Variants in EMP3 observed in about 807,000 individuals in gnomAD.
The protein encoded by EMP3 is epithelial membrane protein 3 (MAM blood group).
EMP3 carries 15 observed loss-of-function variants against 21.6 expected under a neutral mutation model. The ratio of observed to expected loss-of-function variants is 0.69; its 90% confidence interval spans 0.46 to 1.07. The LOEUF (loss-of-function observed/expected upper bound fraction) is 1.07, where lower values mean the gene tolerates loss of function less well. Among genes scored for constraint, EMP3 ranks in the 50% least tolerant of loss-of-function variants. The pLI is 0.00. For synonymous variants in EMP3, 107 were observed against 86.1 expected (o/e 1.24, Z -1.34); for missense variants, 183 against 206.6 (o/e 0.89, Z 0.70).
chr19:48,329,618 G>A lies in EMP3; in HGVS notation c.322+126G>A. ...AAAAAAACAACTTTCAACACCCCAC[G>A]AGCCACAAGAGGTGCCTCCGTGGGC... On this transcript the variant is annotated intron_variant, in intron 4 of 4. Coordinates refer to ENST00000270221, the MANE Select transcript of EMP3 (RefSeq NM_001425.3). The surrounding 1 kb of genome is among the most constrained non-coding windows in gnomAD (Gnocchi z 4.5). 5.6e-6 allele frequency: 7 copies of A among 1,252,502 alleles called. No individual in the cohort carries two copies. Among genetic ancestry groups the A allele is most frequent in the Non-Finnish European group, 6.6e-6 (6 of 909,320 alleles). 77.6% of individuals were successfully genotyped at this position (1,252,502 alleles called of 1,614,324 possible).
In EMP3 at chr19:48,329,635, TC is replaced by T; in HGVS notation, c.322+145del. The T allele has an allele frequency of 9.3e-7, 1 of 1,070,464 alleles. No individual in the cohort carries two copies. 66.3% of individuals were successfully genotyped at this position (1,070,464 alleles called of 1,614,324 possible). ...CACCCCACGAGCCACAAGAGGTGCCTCCGTGGGCTACATCTCTGCCCCCAGG... is the reference window on the plus strand; with the variant it reads ...CACCCCACGAGCCACAAGAGGTGCCTCGTGGGCTACATCTCTGCCCCCAGG... On this transcript the variant is annotated intron_variant, in intron 4 of 4. Coordinates refer to ENST00000270221, the MANE Select transcript of EMP3 (RefSeq NM_001425.3). The surrounding 1 kb of genome is among the most constrained non-coding windows in gnomAD (Gnocchi z 4.5).
intron 4 of EMP3, 109 bp from the exon 5 acceptor site, chr19:48,330,192 G>C (rs1872102557): frequency 1.4e-6 from 2 of 1,432,422 alleles, no homozygotes; most frequent in South Asian, 3.0e-5. Flanking sequence ...ACTCCCAGCA[G>C]GCAGCGGCGC....
At position 48,328,238 on chromosome 19, in the gene EMP3, C is replaced by T. The variant is rs189145598; in HGVS notation, c.181+615C>T. On this transcript the variant is annotated intron_variant, in intron 3 of 4. Transcript: ENST00000270221. ...CAGCCTGGCCAAGATGATGAAACCC[C>T]GTCTCTACTAAAAATACAAAAAAAT... Among the ~76,000 whole-genome samples, 111 of 151,726 alleles carry T rather than the reference C, an allele frequency of 7.3e-4. 1 individual carries two copies. The East Asian group carries it at 0.019, about 26-fold the overall frequency.
rs768187559 is a variant in EMP3, at chr19:48,329,311, G to A, written c.182-41G>A. ...GCAAGCAGGTGAAGCTGGAACTCTG[G>A]ACCCACGGTGATGTCCCCCTCTGTG... is the stretch of plus-strand genomic sequence containing the variant. On this transcript the variant is annotated intron_variant, in intron 3 of 4. Transcript: ENST00000270221. This position sits in a 1 kb window ranked among gnomAD's most constrained non-coding sequence, Gnocchi z 4.5. 3.1e-6 allele frequency: 5 copies of A among 1,612,254 alleles called. No individual in the cohort carries two copies. The South Asian group carries it at 3.3e-5, about 11-fold the overall frequency.
At chr19:48,328,573 G>A (rs1969162292) in intron 3 of EMP3, among the ~76,000 whole-genome samples, 1 of 152,226 alleles carries the variant, frequency 6.6e-6, no homozygotes, top group East Asian at 1.9e-4. Flanking sequence ...ACCACTTAAG[G>A]TTCTAAAGGG....
chr19:48,327,998 G>A (rs1025998761), intron 3 of EMP3, among the ~76,000 whole-genome samples: 2 of 151,970 alleles, frequency 1.3e-5, no homozygotes, highest in East Asian at 3.9e-4. Context: ...GTAGAGACAG[G>A]TTTCACCATG....
intron 2 of EMP3, among the ~76,000 whole-genome samples, 179 bp downstream of exon 2, chr19:48,327,101 C>T (rs191166715): frequency 5.3e-4 from 80 of 152,052 alleles, no homozygotes; most frequent in African/African-American, 1.8e-3. Flanking sequence ...GGTGCGATCT[C>T]GGCTCACTGC....
chr19:48,328,800 ATGT>A (rs1321247235), intron 3 of EMP3, among the ~76,000 whole-genome samples: 3 of 152,198 alleles, frequency 2.0e-5, no homozygotes, highest in Admixed American at 6.5e-5. Flanking sequence ...CCCAGTAAAC[ATGT>A]TGTTTATGTA....
chr19:48,327,550 C>A lies in EMP3; in HGVS notation c.108C>A (p.Ser36=). Residue 36 remains serine, a synonymous_variant, in exon 3 of 5, where the codon TCC becomes TCA. Coordinates refer to ENST00000270221, the MANE Select transcript of EMP3 (RefSeq NM_001425.3). ...KSWWTLPGKE[S]LNLWYDCTWN... ...GGTGGACTCTCCCTGGGAAAGAGTC[C>A]CTGAATCTCTGGTACGACTGCACGT... 8.1e-6 allele frequency: 13 copies of A among 1,613,736 alleles called. No individual in the cohort carries two copies. Among genetic ancestry groups the A allele is most frequent in the Non-Finnish European group, 1.1e-5 (13 of 1,179,930 alleles).
chr19:48,327,391 T>A, intron 2 of EMP3, 130 bp from the exon 3 acceptor site: 2 of 673,982 alleles, frequency 3.0e-6, no homozygotes, highest in South Asian at 3.4e-5. Flanking sequence ...TCATATTAAA[T>A]CCTAACTCTC....
In EMP3 at chr19:48,329,349, C is replaced by T; in HGVS notation, c.182-3C>T. The stretch of plus-strand genomic sequence containing the variant: ...GTCCCCCTCTGTGTCCTCCTTACTG[C>T]AGGCTGGCTGAAGGCGGTGCAGGTC... On this transcript the variant is annotated splice_polypyrimidine_tract_variant and splice_region_variant and intron_variant, in intron 3 of 4. Transcript: ENST00000270221. This position sits in a 1 kb window ranked among gnomAD's most constrained non-coding sequence, Gnocchi z 4.5. The T allele has an allele frequency of 2.5e-6, 4 of 1,614,064 alleles. No individual in the cohort carries two copies. The highest frequency in any genetic ancestry group is 3.4e-6 in the Non-Finnish European group (4 of 1,179,978).
Position 48,329,440 on chromosome 19 carries a change from C to T in EMP3, c.270C>T (p.Thr90=), listed in dbSNP as rs1969172623. 6.2e-7 allele frequency: 1 copy of T among 1,614,166 alleles called. No homozygotes were observed. The highest frequency in any genetic ancestry group is 8.5e-7 in the Non-Finnish European group (1 of 1,180,032). Residue 90 remains threonine, a synonymous_variant, in exon 4 of 5, where the codon ACC becomes ACT. Transcript: ENST00000270221. This position sits in a 1 kb window ranked among gnomAD's most constrained non-coding sequence, Gnocchi z 4.5. ...TCCTGTTCATGTTCCAGCTCTACAC[C>T]ATGCGACGAGGAGGTCTCTTCTATG... The part of the protein sequence containing the change: ...SFILFMFQLY[T]MRRGGLFYAT...
chr19:48,329,588 C>T lies in EMP3; in HGVS notation c.322+96C>T, dbSNP rs941901488. On this transcript the variant is annotated intron_variant, in intron 4 of 4. Transcript: ENST00000270221. This position sits in a 1 kb window ranked among gnomAD's most constrained non-coding sequence, Gnocchi z 4.5. ...CTGGGGGCCCTGAGAATGGGCCTCTCGTAGAAAAAAACAACTTTCAACACC... is the reference window on the plus strand; with the variant it reads ...CTGGGGGCCCTGAGAATGGGCCTCTTGTAGAAAAAAACAACTTTCAACACC... 22 of 1,499,876 alleles carry T rather than the reference C, an allele frequency of 1.5e-5. No individual in the cohort carries two copies. The highest frequency in any genetic ancestry group is 1.1e-4 in the African/African-American group (8 of 71,616). 92.9% of individuals were successfully genotyped at this position (1,499,876 alleles called of 1,614,324 possible).
chr19:48,328,641 G>T lies in EMP3; in HGVS notation c.182-711G>T, dbSNP rs185852697. Among the ~76,000 whole-genome samples, 224 of 152,232 alleles carry T rather than the reference G, an allele frequency of 1.5e-3. 1 individual carries two copies. Among genetic ancestry groups the T allele is most frequent in the African/African-American group, 4.2e-3 (174 of 41,548 alleles). On this transcript the variant is annotated intron_variant, in intron 3 of 4. Transcript: ENST00000270221. ...TAGAGCTGCATCTATCTAAAGTTCT[G>T]TGTGAAAGATTTAATGCAAAACTAA...
chr19:48,326,809 T>A, intron 1 of EMP3, 21 bp from the exon 2 acceptor site: 1 of 1,606,562 alleles, frequency 6.2e-7, no homozygotes, highest in Non-Finnish European at 8.5e-7. Context: ...TGAGACTCCG[T>A]CCCCTGCTCC....
intron 3 of EMP3, 52 bp downstream of exon 3, chr19:48,327,675 C>T (rs774838401): frequency 2.4e-5 from 37 of 1,517,672 alleles, no homozygotes; most frequent in African/African-American, 8.2e-5. Flanking sequence ...GTAAACCCTT[C>T]GTGTCCTCAT....
Position 48,329,200 on chromosome 19 carries a change from G to C in EMP3, c.182-152G>C, listed in dbSNP as rs1969167883. On this transcript the variant is annotated intron_variant, in intron 3 of 4. Transcript: ENST00000270221. The surrounding 1 kb of genome is among the most constrained non-coding windows in gnomAD (Gnocchi z 4.5). ...ATATAGCAAGGTAACAGGGCTCAAG[G>C]TCAAAATAAGTGATACATCTAAGTA... is the stretch of plus-strand genomic sequence containing the variant. 3.3e-6 allele frequency: 3 copies of C among 899,608 alleles called. No homozygotes were observed. Among genetic ancestry groups the C allele is most frequent in the Non-Finnish European group, 5.0e-6 (3 of 600,970 alleles). 55.7% of individuals were successfully genotyped at this position (899,608 alleles called of 1,614,324 possible).
Position 48,329,576 on chromosome 19 carries a change from G to C in EMP3, c.322+84G>C. 1.3e-6 allele frequency: 2 copies of C among 1,544,606 alleles called. No homozygotes were observed. The highest frequency in any genetic ancestry group is 1.8e-6 in the Non-Finnish European group (2 of 1,138,318). ...TGTGTCAAGATGCTGGGGGCCCTGA[G>C]AATGGGCCTCTCGTAGAAAAAAACA... On this transcript the variant is annotated intron_variant, in intron 4 of 4. Transcript: ENST00000270221. The surrounding 1 kb of genome is among the most constrained non-coding windows in gnomAD (Gnocchi z 4.5).
At chr19:48,327,778 G>A in intron 3 of EMP3, 155 bp downstream of exon 3, 3 of 637,824 alleles carry the variant, frequency 4.7e-6, no homozygotes. Context: ...TGCATGTCCC[G>A]CCTGTCTGGA....
Sources: allele counts gnomAD v4.1 joint callset (sites outside exome capture counted in the v4.1 genomes callset), GRCh38; gene constraint gnomAD v4.1.1; non-coding constraint Gnocchi (gnomAD v3.1); transcripts MANE v1.5; gene names NCBI Gene and HGNC (gene_info 2026-07-23, HGNC 2026-07-21).